The following IZUMO4 variants were observed in gnomAD, a reference collection of about 807,000 sequenced individuals.
IZUMO4 encodes the protein izumo sperm-egg fusion protein 4.
In IZUMO4, 51 loss-of-function variants were observed where a neutral mutation model predicts 37.1. The ratio of observed to expected loss-of-function variants is 1.38; its 90% CI spans 1.10 to 1.74. The LOEUF (loss-of-function observed/expected upper bound fraction) is 1.74, where lower values mean the gene tolerates loss of function less well. Ranked by LOEUF, IZUMO4 falls within the 40% of genes most tolerant of loss-of-function variation. The pLI, the probability that IZUMO4 is intolerant of heterozygous loss-of-function variation, is 0.00. For missense variants in IZUMO4, 364 were observed against 299.6 expected, an observed-to-expected ratio of 1.21 and a Z score of -1.59; for synonymous variants, 162 against 121.4, an observed-to-expected ratio of 1.33 and a Z score of -2.20.
At position 2,098,063 on chromosome 19, in the gene IZUMO4, T is replaced by C; in HGVS notation, c.409T>C (p.Tyr137His). The change falls in exon 5 of 10, where the codon TAC (tyrosine) becomes CAC (histidine). Residue 137 changes from tyrosine (Y) to histidine (H), a missense_variant. Coordinates refer to ENST00000395301, the MANE Select transcript of IZUMO4 (RefSeq NM_001039846.2). ...TGTACGTGTTTCAGGCATCTTCCAG[T>C]ACGAGACCATCTCCTGCAACAACTG... Reference protein sequence around the residue: ...DCQHRCGIFQYETISCNNCTD... With the variant: ...DCQHRCGIFQHETISCNNCTD... The C allele has an allele frequency of 6.2e-7, 1 of 1,613,412 alleles. No homozygotes were observed. The highest frequency in any genetic ancestry group is 8.5e-7 in the Non-Finnish European group (1 of 1,179,984).
rs1226934746 is a variant in IZUMO4, at chr19:2,097,423, G to C, written c.299-1G>C. ...GACCTTCTCCTGCCTCGACGACTCA[G>C]GGTATTTCCCCAACGAGCTGCGAAA... On this transcript the variant is annotated splice_acceptor_variant, in intron 2 of 9. Coordinates refer to ENST00000395301, the MANE Select transcript of IZUMO4 (RefSeq NM_001039846.2). LOFTEE classifies it high-confidence loss of function. 2 of 1,610,262 alleles carry C rather than the reference G, an allele frequency of 1.2e-6. No individual in the cohort carries two copies. The highest frequency in any genetic ancestry group is 1.7e-6 in the Non-Finnish European group (2 of 1,178,570).
chr19:2,097,500 G>A lies in IZUMO4; in HGVS notation c.370+5G>A. ...TCCAGAACGCCATCATCGAAAGTGA[G>A]CAAATAAGGCTTCAGAGGAGGGAGG... On this transcript the variant is annotated splice_donor_5th_base_variant and intron_variant, in intron 3 of 9. Coordinates refer to ENST00000395301, the MANE Select transcript of IZUMO4 (RefSeq NM_001039846.2). The A allele has an allele frequency of 1.2e-6, 2 of 1,611,808 alleles. No homozygotes were observed. Among genetic ancestry groups the A allele is most frequent in the African/African-American group, 1.3e-5 (1 of 75,000 alleles).
rs536708324 is a variant in IZUMO4, at chr19:2,098,077, C to T, written c.423C>T (p.Ser141=). 8 of 1,613,560 alleles carry T rather than the reference C, an allele frequency of 5.0e-6. No individual in the cohort carries two copies. The South Asian group carries it at 7.7e-5, about 15-fold the overall frequency. ...RCGIFQYETI[S]CNNCTDSHVA... ...GCATCTTCCAGTACGAGACCATCTC[C>T]TGCAACAACTGCACAGACTCGCACG... The change falls in exon 5 of 10, where the codon TCC becomes TCT. Residue 141 remains serine, a synonymous_variant. Transcript: ENST00000395301.
rs377118121 is a variant in IZUMO4, at chr19:2,098,086, C to T, written c.432C>T (p.Asn144=). 3 of 1,613,516 alleles carry T rather than the reference C, an allele frequency of 1.9e-6. No individual in the cohort carries two copies. Among genetic ancestry groups the T allele is most frequent in the Non-Finnish European group, 2.5e-6 (3 of 1,179,962 alleles). ...IFQYETISCN[N]CTDSHVACFG... is the part of the protein sequence containing the mutation. ...AGTACGAGACCATCTCCTGCAACAA[C>T]TGCACAGACTCGCACGTCGCCTGCT... The change falls in exon 5 of 10, where the codon AAC becomes AAT. Residue 144 remains asparagine, a synonymous_variant. Coordinates refer to ENST00000395301, the MANE Select transcript of IZUMO4 (RefSeq NM_001039846.2).
intron 7 of IZUMO4, 134 bp downstream of exon 7, chr19:2,098,584 C>A: frequency 4.4e-6 from 7 of 1,601,794 alleles, no homozygotes; most frequent in Non-Finnish European, 6.0e-6. Flanking sequence ...GAACCTCAAC[C>A]CAGCTCTGCG....
chr19:2,098,563 C>A, intron 7 of IZUMO4, 113 bp downstream of exon 7: 1 of 1,605,534 alleles, frequency 6.2e-7, no homozygotes. Flanking sequence ...AGAGGGGCTC[C>A]CGAGGAGGTG....
At chr19:2,099,156 G>GACCA (rs1263227266) in intron 9 of IZUMO4, 99 bp from the exon 10 acceptor site, 1 of 1,384,112 alleles carries the variant, frequency 7.2e-7, no homozygotes, top group African/African-American at 1.4e-5. Context: ...CCACACATAG[G>GACCA]ACCACACGTC....
chr19:2,098,637 C>T, intron 7 of IZUMO4, 150 bp from the exon 8 acceptor site: 2 of 1,558,318 alleles, frequency 1.3e-6, no homozygotes, highest in East Asian at 2.3e-5. Flanking sequence ...AGGTCTCCGA[C>T]CCTCAGCTGG....
rs2017723603 is a variant in IZUMO4, at chr19:2,097,165, G to A, written c.217+3G>A. ...CCTGGCCATCCCCGCCAAGATCAGT[G>A]AGTGCCGGAGCCCAGCCCAGTCCCG... On this transcript the variant is annotated splice_donor_region_variant and intron_variant, in intron 1 of 9. Coordinates refer to ENST00000395301, the MANE Select transcript of IZUMO4 (RefSeq NM_001039846.2). 1.2e-6 allele frequency: 2 copies of A among 1,609,402 alleles called. No homozygotes were observed. Among genetic ancestry groups the A allele is most frequent in the South Asian group, 1.1e-5 (1 of 90,862 alleles).
chr19:2,098,216 A>G, intron 5 of IZUMO4, 71 bp from the exon 6 acceptor site: 1 of 1,611,486 alleles, frequency 6.2e-7, no homozygotes, highest in Non-Finnish European at 8.5e-7. Context: ...CCCGCCTTCC[A>G]CCTGGCTGTC....
At chr19:2,099,136 G>C in intron 9 of IZUMO4, 107 bp downstream of exon 9, 1 of 1,390,058 alleles carries the variant, frequency 7.2e-7, no homozygotes, top group Non-Finnish European at 1.0e-6. Flanking sequence ...CGAGGGTGTC[G>C]TGGATGTGGC....
At chr19:2,097,878 C>T in intron 3 of IZUMO4, 51 bp from the exon 4 acceptor site, 1 of 1,609,158 alleles carries the variant, frequency 6.2e-7, no homozygotes, top group Non-Finnish European at 8.5e-7. Flanking sequence ...GGAGGCAGGA[C>T]TGGGGACAAG....
rs774264727 is a variant in IZUMO4 at position 2,097,509 on chromosome 19, G to A, written c.370+14G>A. On this transcript the variant is annotated intron_variant, in intron 3 of 9. Transcript: ENST00000395301. ...CCATCATCGAAAGTGAGCAAATAAG[G>A]CTTCAGAGGAGGGAGGTGTTGCCCA... The A allele has an allele frequency of 1.2e-6, 2 of 1,609,036 alleles. No individual in the cohort carries two copies. Among genetic ancestry groups the A allele is most frequent in the Non-Finnish European group, 1.7e-6 (2 of 1,176,100 alleles).
At chr19:2,098,751 C>G (rs769746148) in intron 7 of IZUMO4, 36 bp from the exon 8 acceptor site, 1 of 1,605,248 alleles carries the variant, frequency 6.2e-7, no homozygotes, top group East Asian at 2.2e-5. Flanking sequence ...TAGGGGTGCC[C>G]CATGGAGGGG....
At position 2,099,275 on chromosome 19, in the gene IZUMO4, G is replaced by T. The variant is rs1417671816; in HGVS notation, c.629G>T (p.Arg210Met). 1.4e-5 allele frequency: 22 copies of T among 1,612,932 alleles called. No individual in the cohort carries two copies. The highest frequency in any genetic ancestry group is 1.8e-5 in the Non-Finnish European group (21 of 1,179,824). Residue 210 changes from arginine to methionine, a missense_variant, in exon 10 of 10, where the codon AGG becomes ATG. Transcript: ENST00000395301. ...CGCAGCCTGGTATCGCCAGCCTTAA[G>T]GTGTCTGGAGCCCCCACACTTGGCC... ...TPAFLVSPALRCLEPPHLANL... is the reference protein window; with the variant it reads ...TPAFLVSPALMCLEPPHLANL...
rs542472855 is a variant in IZUMO4, at chr19:2,098,869, G to T, written c.554+65G>T. The T allele has an allele frequency of 5.1e-6, 8 of 1,575,412 alleles. No individual in the cohort carries two copies. In the South Asian group the frequency reaches 7.8e-5, roughly 15 times the overall value. On this transcript the variant is annotated intron_variant, in intron 8 of 9. Transcript: ENST00000395301. ...AAGGGAGAGAGGAGGGGGGCTAGGG[G>T]GTCCTCTAGATCAGTGGGGGCACTG...
At chr19:2,097,803 T>G in intron 3 of IZUMO4, 126 bp from the exon 4 acceptor site, 1 of 1,244,200 alleles carries the variant, frequency 8.0e-7, no homozygotes, top group Non-Finnish European at 1.1e-6. Context: ...CACACATACA[T>G]GAAAACCAGG....
chr19:2,099,377 G>C lies in IZUMO4; in HGVS notation c.*32G>C, dbSNP rs112530329. On this transcript the variant is annotated 3_prime_UTR_variant, in exon 10 of 10. Transcript: ENST00000395301. ...CTGGGCCTGCCCCAGGGCAACGTGG[G>C]GGCGGAGACTCAGCTGGACAGCCCC... 39,070 of 1,492,912 alleles carry C rather than the reference G, an allele frequency of 0.026. 628 individuals carry two copies. Among genetic ancestry groups the C allele is most frequent in the Middle Eastern group, 0.038 (218 of 5,738 alleles). 92.5% of individuals were successfully genotyped at this position (1,492,912 alleles called of 1,614,324 possible).
Position 2,096,987 on chromosome 19 carries a change from G to A in IZUMO4, c.42G>A (p.Leu14=), listed in dbSNP as rs753093842. 70 of 1,609,536 alleles carry A rather than the reference G, an allele frequency of 4.3e-5. No individual in the cohort carries two copies. Among genetic ancestry groups the A allele is most frequent in the Non-Finnish European group, 5.6e-5 (66 of 1,179,802 alleles). ...LLCLVCLTAA[L]AHGCLHCHSN... ...GCCTGGTGTGCCTGACGGCGGCGCT[G>A]GCCCACGGCTGTCTGCACTGCCACA... The change falls in exon 1 of 10, where the codon CTG becomes CTA. Residue 14 remains leucine (L), a synonymous_variant. Transcript: ENST00000395301.
Sources: allele counts gnomAD v4.1 joint callset, GRCh38; gene constraint gnomAD v4.1.1; transcripts MANE v1.5; gene names NCBI Gene and HGNC (gene_info 2026-07-23, HGNC 2026-07-21).